Variants in PSMG4 observed in about 807,000 individuals in gnomAD.
The protein encoded by PSMG4 is proteasome (prosome, macropain) assembly chaperone 4.
Under a neutral mutation model 11.0 loss-of-function variants are expected in PSMG4, and 10 were observed. The ratio of observed to expected loss-of-function variants is 0.91; its 90% confidence interval spans 0.56 to 1.54. The LOEUF (loss-of-function observed/expected upper bound fraction) is 1.54, where lower values mean the gene tolerates loss of function less well. Among genes scored for constraint, PSMG4 ranks in the 40% most tolerant of loss-of-function variants. The pLI is 0.00. For synonymous variants in PSMG4, 95 were observed against 71.3 expected (o/e 1.33, Z -1.68); for missense variants, 198 against 160.9 (o/e 1.23, Z -1.25).
intron 1 of PSMG4, among the ~76,000 whole-genome samples, chr6:3,260,936 C>A (rs566108867): frequency 7.2e-5 from 11 of 152,328 alleles, no homozygotes; most frequent in African/African-American, 2.6e-4. Flanking sequence ...GTGCTGGCCT[C>A]CCAGCCGCAT....
At chr6:3,255,342 T>G, upstream of PSMG4, 1 of 1,457,208 alleles carries the variant, frequency 6.9e-7, no homozygotes. Context: ...GGAGTCATTC[T>G]ATGTAGTTGC....
upstream of PSMG4, among the ~76,000 whole-genome samples, chr6:3,254,435 C>A (rs78455263): frequency 1.1e-3 from 144 of 128,048 alleles, 2 homozygotes; most frequent in East Asian, 0.026. Flanking sequence ...TGGCTTTGTG[C>A]TGTAATAGTT....
intron 1 of PSMG4, among the ~76,000 whole-genome samples, chr6:3,260,277 GTATA>G (rs70998384): frequency 9.9e-5 from 11 of 111,540 alleles, no homozygotes; most frequent in African/African-American, 3.9e-4. Context: ...GTCTTAAATT[GTATA>G]TATATATATA....
At chr6:3,261,655 T>A (rs1164809252) in intron 1 of PSMG4, among the ~76,000 whole-genome samples, 7 of 152,174 alleles carry the variant, frequency 4.6e-5, no homozygotes, top group East Asian at 3.9e-4. Context: ...TGTGCCTGGG[T>A]GTTCTCTCCA....
upstream of PSMG4, among the ~76,000 whole-genome samples, chr6:3,254,620 A>G (rs1581538633): frequency 6.6e-6 from 1 of 152,312 alleles, no homozygotes; most frequent in South Asian, 2.1e-4. Context: ...CGTAGCTTTA[A>G]GAGGTGTAAC....
chr6:3,258,294 T>A (rs975699376), upstream of PSMG4, among the ~76,000 whole-genome samples: 12 of 152,112 alleles, frequency 7.9e-5, no homozygotes, highest in African/African-American at 2.9e-4. Context: ...CTCAGAGAGG[T>A]TAAGGGGGTA....
intron 1 of PSMG4, among the ~76,000 whole-genome samples, chr6:3,260,349 T>A (rs1435991351): frequency 7.2e-6 from 1 of 138,862 alleles, no homozygotes; most frequent in East Asian, 2.2e-4. Flanking sequence ...TGGAGTGCAA[T>A]GGCGTGATCT....
upstream of PSMG4, among the ~76,000 whole-genome samples, chr6:3,254,771 G>C (rs761627754): frequency 3.3e-4 from 51 of 152,318 alleles, no homozygotes; most frequent in Middle Eastern, 3.4e-3. Context: ...ATGCTCACCT[G>C]TAGGGTCTGG....
upstream of PSMG4, chr6:3,255,139 C>G (rs746587282): frequency 6.4e-7 from 1 of 1,550,944 alleles, no homozygotes; most frequent in South Asian, 1.2e-5. Context: ...ATTGGTCATT[C>G]TCTTTGAGGA....
upstream of PSMG4, among the ~76,000 whole-genome samples, chr6:3,258,637 C>G (rs1757843481): frequency 6.6e-6 from 1 of 152,110 alleles, no homozygotes; most frequent in Non-Finnish European, 1.5e-5. Flanking sequence ...CTTGAATGCC[C>G]CGCGTCAGTA....
At chr6:3,257,844 T>C (rs5003230), upstream of PSMG4, among the ~76,000 whole-genome samples, 108,380 of 152,168 alleles carry the variant, frequency 0.71, 40,599 homozygotes, top group Non-Finnish European at 0.83. Context: ...ACACTATATA[T>C]GTGCAGTTAT....
At chr6:3,260,315 A>G (rs1188637638) in intron 1 of PSMG4, among the ~76,000 whole-genome samples, 6 of 27,768 alleles carry the variant, frequency 2.2e-4, no homozygotes, top group Admixed American at 1.4e-3. Context: ...TTTTTGAAGC[A>G]AAGTCTTGCT....
chr6:3,255,349 T>G (rs1757724971), upstream of PSMG4: 2 of 1,452,136 alleles, frequency 1.4e-6, no homozygotes, highest in Non-Finnish European at 1.8e-6. Flanking sequence ...TTCTATGTAG[T>G]TGCTTAATTT....
intron 1 of PSMG4, among the ~76,000 whole-genome samples, chr6:3,262,023 C>T (rs961198632): frequency 6.6e-6 from 1 of 152,206 alleles, no homozygotes; most frequent in Non-Finnish European, 1.5e-5. Context: ...AGAACAGACA[C>T]CATGCAACCC....
chr6:3,260,292 T>TATATATATATATATATATATATA (rs1554129658), intron 1 of PSMG4, among the ~76,000 whole-genome samples: 4 of 12,634 alleles, frequency 3.2e-4, no homozygotes, highest in African/African-American at 7.5e-4. Flanking sequence ...TATATATATA[T>TATATATATATATATATATATATA]TTTTTTTTTT....
intron 2 of PSMG4, chr6:3,266,060 G>C (rs984006823): frequency 6.6e-6 from 1 of 152,000 alleles, no homozygotes; most frequent in East Asian, 2.0e-4. Flanking sequence ...TGTAAGGACA[G>C]TCAGTGAGTT....
chr6:3,254,934 A>G, upstream of PSMG4: 3 of 1,176,024 alleles, frequency 2.6e-6, no homozygotes, highest in Non-Finnish European at 3.5e-6. Context: ...CCATTCTCTC[A>G]CTGGGTGTCA....
chr6:3,255,100 A>T (rs945537172), upstream of PSMG4: 3 of 1,551,062 alleles, frequency 1.9e-6, no homozygotes, highest in Admixed American at 3.9e-5. Flanking sequence ...TTGGCTGCAT[A>T]GGAGCACAAC....
upstream of PSMG4, among the ~76,000 whole-genome samples, chr6:3,254,597 T>C (rs188108741): frequency 3.9e-5 from 6 of 152,246 alleles, no homozygotes; most frequent in East Asian, 1.2e-3. Context: ...TGGAAGTAAA[T>C]AATTCCAGTA....
Sources: allele counts gnomAD v4.1 joint callset (sites outside exome capture counted in the v4.1 genomes callset), GRCh38; gene constraint gnomAD v4.1.1; transcripts MANE v1.5; gene names NCBI Gene and HGNC (gene_info 2026-07-23, HGNC 2026-07-21).